LIAS: variants seen among roughly 807,000 people sequenced by gnomAD.
LIAS encodes lipoic acid synthetase, also known as lipoyl synthase, mitochondrial.
A neutral mutation model predicts 49.4 loss-of-function variants in LIAS; 36 were observed. The ratio of observed to expected loss-of-function variants is 0.73; its 90% CI spans 0.56 to 0.96. LIAS has a LOEUF of 0.96. LIAS is among the 40% of genes least tolerant of loss of function. LIAS has a pLI of 0.00. For missense variants in LIAS, 399 were observed against 456.3 expected (o/e 0.87, Z 1.14); for synonymous variants, 145 against 155.8 (o/e 0.93, Z 0.52).
intron 8 of LIAS, 45 bp downstream of exon 8, chr4:39,470,209 T>C (rs1486050470): frequency 1.9e-6 from 3 of 1,541,080 alleles, no homozygotes; most frequent in African/African-American, 2.7e-5. Context: ...GTAATTTGAG[T>C]AATAGCAGGA....
chr4:39,473,017 C>A, intron 9 of LIAS, 83 bp from the exon 10 acceptor site: 1 of 767,990 alleles, frequency 1.3e-6, no homozygotes, highest in Non-Finnish European at 2.2e-6. Flanking sequence ...CAGTGAAGAG[C>A]ATTCTGCATA....
intron 1 of LIAS, among the ~76,000 whole-genome samples, chr4:39,460,013 C>T (rs1231356586): frequency 6.6e-6 from 1 of 152,030 alleles, no homozygotes; most frequent in Non-Finnish European, 1.5e-5. Flanking sequence ...TTTAACCTTC[C>T]AGTTGTCTGA....
chr4:39,463,423 G>T, intron 3 of LIAS, 102 bp from the exon 4 acceptor site: 1 of 1,386,474 alleles, frequency 7.2e-7, no homozygotes. Context: ...TCAAAAATAT[G>T]TTGTAAACAA....
At chr4:39,471,495 G>A (rs997865554) in intron 9 of LIAS, among the ~76,000 whole-genome samples, 189 bp downstream of exon 9, 1 of 144,628 alleles carries the variant, frequency 6.9e-6, no homozygotes, top group Non-Finnish European at 1.5e-5. Flanking sequence ...CACTACATCC[G>A]GCTAAAATAT....
chr4:39,470,881 C>T (rs1012119285), intron 8 of LIAS, among the ~76,000 whole-genome samples: 1 of 152,134 alleles, frequency 6.6e-6, no homozygotes, highest in Admixed American at 6.5e-5. Flanking sequence ...CATATTTGCT[C>T]TATAATATAG....
intron 2 of LIAS, among the ~76,000 whole-genome samples, chr4:39,461,419 A>G (rs1043991915): frequency 3.9e-5 from 6 of 152,218 alleles, no homozygotes; most frequent in African/African-American, 1.4e-4. Flanking sequence ...AAGTGGATGG[A>G]AGTCATGGAG....
At chr4:39,459,353 G>T in intron 1 of LIAS, 191 bp downstream of exon 1, 3 of 615,842 alleles carry the variant, frequency 4.9e-6, no homozygotes, top group Non-Finnish European at 8.5e-6. Flanking sequence ...TCTGGCATCA[G>T]TTTGTTTGCA....
intron 1 of LIAS, 145 bp downstream of exon 1, chr4:39,459,307 C>G (rs1197474754): frequency 8.8e-6 from 6 of 684,994 alleles, no homozygotes; most frequent in Non-Finnish European, 1.5e-5. Flanking sequence ...CGTGTAATCT[C>G]ATGTAATTAT....
In LIAS at chr4:39,473,203, A is replaced by C. The variant is rs969833009; in HGVS notation, c.1058A>C (p.Tyr353Ser). ...AGTGGCCCTTTGGTGCGTTCTTCAT[A>C]TAAAGCAGGTAAGTTAGATTGTGGG... ...TASGPLVRSS[Y>S]KAGEFFLKNL... The change falls in exon 10 of 11, where the codon TAT becomes TCT. Residue 353 changes from tyrosine (Y) to serine (S), a missense_variant. By Grantham distance (144) the Tyr-to-Ser change is moderately radical. Coordinates refer to ENST00000640888, the MANE Select transcript of LIAS (RefSeq NM_006859.4). The C allele has an allele frequency of 6.2e-7, 1 of 1,600,948 alleles. No individual in the cohort carries two copies. The highest frequency in any genetic ancestry group is 8.6e-7 in the Non-Finnish European group (1 of 1,168,076).
At chr4:39,464,119 C>G (rs1350489355) in intron 4 of LIAS, 1 of 152,000 alleles carries the variant, frequency 6.6e-6, no homozygotes, top group African/African-American at 2.4e-5. Context: ...TCATTTGAAC[C>G]CAGGAGTTCA....
At position 39,477,228 on chromosome 4, in the gene LIAS, TA is replaced by T. The variant is rs925155221; in HGVS notation, c.*124del. The T allele has an allele frequency of 0.048, 26,641 of 550,242 alleles. No individual in the cohort carries two copies. The highest frequency in any genetic ancestry group is 0.063 in the South Asian group (2,181 of 34,526). 34.1% of individuals were successfully genotyped at this position (550,242 alleles called of 1,614,324 possible). On this transcript the variant is annotated 3_prime_UTR_variant, in exon 11 of 11. Transcript: ENST00000640888. The stretch of plus-strand genomic sequence containing the variant: ...AGTGGATGTGCCCCACCTCTTTGCT[TA>T]AAAAAAAAAATGTCAATAGCCAGGC...
Position 39,477,289 on chromosome 4 carries a change from G to C in LIAS, c.*174G>C. On this transcript the variant is annotated 3_prime_UTR_variant, in exon 11 of 11. Transcript: ENST00000640888. ...CACGCCTGTAATCCCAGCACTTTAGGAGGCCAAGGCGGGTGGATCACCTGA... is the reference window on the plus strand; with the variant it reads ...CACGCCTGTAATCCCAGCACTTTAGCAGGCCAAGGCGGGTGGATCACCTGA... 3 of 536,116 alleles carry C rather than the reference G, an allele frequency of 5.6e-6. No homozygotes were observed. The highest frequency in any genetic ancestry group is 9.8e-6 in the Non-Finnish European group (3 of 304,644). The allele number at this position is 536,116 out of a possible 1,614,324, so 33.2% of individuals were successfully genotyped here. A position where few individuals can be genotyped will look rare whatever the true frequency, so the allele number is the denominator to read the frequency against.
chr4:39,473,251 A>G (rs1578245109), intron 10 of LIAS, 40 bp downstream of exon 10: 2 of 1,190,142 alleles, frequency 1.7e-6, no homozygotes, highest in East Asian at 2.3e-5. Context: ...TTAGGCCGTT[A>G]ACTTTCCACA....
chr4:39,467,681 G>T lies in LIAS; in HGVS notation c.737+35G>T, dbSNP rs201050939. On this transcript the variant is annotated intron_variant, in intron 7 of 10. Coordinates refer to ENST00000640888, the MANE Select transcript of LIAS (RefSeq NM_006859.4). Reference sequence around the variant, plus strand: ...TGTACAAAGTAATGTTGGGAAGTTAGGCGGGTCAAAATATGCCATATATTC... The same window carrying T: ...TGTACAAAGTAATGTTGGGAAGTTATGCGGGTCAAAATATGCCATATATTC... The T allele has an allele frequency of 1.7e-4, 248 of 1,476,350 alleles. No homozygotes were observed. The African/African-American group carries it at 3.1e-3, about 18-fold the overall frequency. The allele number at this position is 1,476,350 out of a possible 1,614,324, so 91.5% of individuals were successfully genotyped here.
chr4:39,459,344 C>T (rs1220699629), intron 1 of LIAS, 182 bp downstream of exon 1: 1 of 620,490 alleles, frequency 1.6e-6, no homozygotes, highest in African/African-American at 1.8e-5. Flanking sequence ...TATAGAGTCT[C>T]TGGCATCAGT....
In LIAS at chr4:39,460,930, T is replaced by C. The variant is rs1166998501; in HGVS notation, c.186T>C (p.Tyr62=). The C allele has an allele frequency of 1.8e-5, 29 of 1,604,544 alleles. No homozygotes were observed. Among genetic ancestry groups the C allele is most frequent in the South Asian group, 3.4e-5 (3 of 88,350 alleles). ...DLADRSTWDE[Y]KGNLKRQKGE... ...CAGACAGGAGCACCTGGGATGAATA[T>C]AAAGGAAACCTAAAACGCCAGAAAG... is the stretch of plus-strand genomic sequence containing the variant. Residue 62 remains tyrosine (Y), a synonymous_variant, in exon 2 of 11, where the codon TAT becomes TAC. Coordinates refer to ENST00000640888, the MANE Select transcript of LIAS (RefSeq NM_006859.4).
intron 10 of LIAS, among the ~76,000 whole-genome samples, chr4:39,474,667 C>G (rs548893654): frequency 2.6e-5 from 4 of 151,990 alleles, no homozygotes; most frequent in African/African-American, 9.6e-5. Context: ...ACAATCTTGA[C>G]TCACTGCAAC....
At chr4:39,463,201 T>G (rs1202641936) in intron 3 of LIAS, among the ~76,000 whole-genome samples, 1 of 151,142 alleles carries the variant, frequency 6.6e-6, no homozygotes, top group Admixed American at 6.6e-5. Flanking sequence ...TCCTCTCTCC[T>G]CAGCCTTCTG....
chr4:39,477,465 G>T lies in LIAS; in HGVS notation c.*350G>T, dbSNP rs1006420692. 1 of 195,894 alleles carries T rather than the reference G, an allele frequency of 5.1e-6. No individual in the cohort carries two copies. Among genetic ancestry groups the T allele is most frequent in the African/African-American group, 2.4e-5 (1 of 41,892 alleles). 12.1% of individuals were successfully genotyped at this position (195,894 alleles called of 1,614,324 possible). ...AATCACTTGAACCTGGGAGGGGGAG[G>T]TTGCAGTGAGCCAAGATCGCTCCAT... On this transcript the variant is annotated 3_prime_UTR_variant, in exon 11 of 11. Transcript: ENST00000640888.
Sources: gnomAD v4.1 joint callset for allele counts (sites outside exome capture counted in the v4.1 genomes callset) on GRCh38, gnomAD v4.1.1 for gene constraint, MANE v1.5 for transcripts, NCBI Gene and HGNC (gene_info 2026-07-23, HGNC 2026-07-21) for gene names.